Variants in PTCSC3 observed in about 807,000 individuals in gnomAD.
The protein encoded by PTCSC3 is papillary thyroid carcinoma susceptibility candidate 3.
At chr14:36,149,215 T>A (rs1881667665) in intron 3 of PTCSC3, among the ~76,000 whole-genome samples, 1 of 152,220 alleles carries the variant, frequency 6.6e-6, no homozygotes, top group African/African-American at 2.4e-5. Flanking sequence ...ATTTATTTTT[T>A]AATTTTCTTG....
chr14:36,160,925 TTTA>T (rs1473056913), intron 2 of PTCSC3, among the ~76,000 whole-genome samples: 5 of 152,202 alleles, frequency 3.3e-5, no homozygotes, highest in African/African-American at 1.2e-4. Flanking sequence ...TTCATTCCTT[TTTA>T]TTCTTTTTTC....
intron 1 of PTCSC3, among the ~76,000 whole-genome samples, chr14:36,164,710 A>AT (rs1328656808): frequency 6.6e-6 from 1 of 152,192 alleles, no homozygotes; most frequent in Non-Finnish European, 1.5e-5. Flanking sequence ...ACTGACCTCT[A>AT]TGTCCCCATC....
chr14:36,157,216 A>G lies in PTCSC3; in HGVS notation n.232-3322T>C, dbSNP rs150523553. Among the ~76,000 whole-genome samples the G allele has an allele frequency of 1.7e-3, 255 of 152,136 alleles. 1 individual carries two copies. Among genetic ancestry groups the G allele is most frequent in the African/African-American group, 5.9e-3 (245 of 41,530 alleles). On this transcript the variant is annotated intron_variant and non_coding_transcript_variant, in intron 2 of 3. Transcript: ENST00000556013. ...TCGGCTGCATAAATGTCTCCTTTTG[A>G]GGAGTTTTATATCCTTAACCCACTT...
intron 3 of PTCSC3, among the ~76,000 whole-genome samples, chr14:36,148,518 C>T (rs1012870302): frequency 2.6e-5 from 4 of 152,248 alleles, no homozygotes; most frequent in South Asian, 2.1e-4. Flanking sequence ...CGCCCTGCTT[C>T]GGCTAGCGTG....
Position 36,148,337 on chromosome 14 carries a change from C to T in PTCSC3, n.322+5467G>A, listed in dbSNP as rs763443501. ...GAGACTCCATAGGCATAGGACCCTC[C>T]GAGCCAGGTGTGGGATATAATGTCG... On this transcript the variant is annotated intron_variant and non_coding_transcript_variant, in intron 3 of 3. Transcript: ENST00000556013. 1.3e-4 allele frequency among the ~76,000 whole-genome samples: 20 copies of T among 152,280 alleles called. No individual in the cohort carries two copies. The South Asian group carries it at 2.1e-3, about 16-fold the overall frequency.
intron 2 of PTCSC3, among the ~76,000 whole-genome samples, chr14:36,157,930 C>A (rs1169139): frequency 6.6e-6 from 1 of 152,066 alleles, no homozygotes; most frequent in South Asian, 2.1e-4. Context: ...TCTCTGATTT[C>A]CTTGAGCAGT....
chr14:36,160,735 T>A (rs1566509100), intron 2 of PTCSC3, among the ~76,000 whole-genome samples: 1 of 152,128 alleles, frequency 6.6e-6, no homozygotes. Flanking sequence ...ATCTTTGTGG[T>A]GTTCTCTGTA....
chr14:36,149,941 A>C (rs979437769), intron 3 of PTCSC3, among the ~76,000 whole-genome samples: 26 of 152,222 alleles, frequency 1.7e-4, no homozygotes, highest in Non-Finnish European at 3.7e-4. Flanking sequence ...TTATATTTAC[A>C]GGTTGAACAT....
chr14:36,141,633 G>A (rs771662554), intron 3 of PTCSC3, among the ~76,000 whole-genome samples: 12 of 152,098 alleles, frequency 7.9e-5, no homozygotes, highest in Admixed American at 5.2e-4. Flanking sequence ...GATTACAGGC[G>A]TGAGCCACTG....
intron 3 of PTCSC3, among the ~76,000 whole-genome samples, chr14:36,145,327 C>G (rs1240128932): frequency 1.3e-5 from 2 of 151,332 alleles, no homozygotes; most frequent in Admixed American, 1.3e-4. Flanking sequence ...GATTATTGCC[C>G]CAATTTCAGA....
At chr14:36,173,990 T>C (rs1157356973) in intron 1 of PTCSC3, among the ~76,000 whole-genome samples, 3 of 152,182 alleles carry the variant, frequency 2.0e-5, no homozygotes, top group Non-Finnish European at 4.4e-5. Context: ...GTACCTTTTT[T>C]TTCTCTTTGG....
intron 1 of PTCSC3, chr14:36,165,397 T>C (rs1017305312): frequency 6.6e-6 from 1 of 152,184 alleles, no homozygotes; most frequent in Non-Finnish European, 1.5e-5. Flanking sequence ...ATGGCCTCTC[T>C]GGTGATTTAA....
rs1566512573 is a variant in PTCSC3 at position 36,173,030 on chromosome 14, TA to T, written n.171+3267del. On this transcript the variant is annotated intron_variant and non_coding_transcript_variant, in intron 1 of 3. Coordinates refer to ENST00000556013, the Ensembl canonical transcript of PTCSC3. ...CTTTTTCTGCCAGAATAGAAAAAAT[TA>T]TTCTGGAATTACCAGAACAAAGGCA... Among the ~76,000 whole-genome samples, 8 of 152,232 alleles carry T rather than the reference TA, an allele frequency of 5.3e-5. No individual in the cohort carries two copies. The South Asian group carries it at 1.7e-3, about 32-fold the overall frequency.
At chr14:36,169,542 T>C (rs932569720) in intron 1 of PTCSC3, among the ~76,000 whole-genome samples, 1 of 152,170 alleles carries the variant, frequency 6.6e-6, no homozygotes, top group African/African-American at 2.4e-5. Flanking sequence ...TCTCTTTCTC[T>C]AGTTGGTGAT....
At chr14:36,151,020 T>C (rs1008070713) in intron 3 of PTCSC3, among the ~76,000 whole-genome samples, 14 of 152,226 alleles carry the variant, frequency 9.2e-5, no homozygotes, top group African/African-American at 3.4e-4. Context: ...ATATCATTTT[T>C]CTTCTCCCTG....
At chr14:36,158,895 G>T (rs1308962282) in intron 2 of PTCSC3, among the ~76,000 whole-genome samples, 2 of 151,984 alleles carry the variant, frequency 1.3e-5, no homozygotes, top group Non-Finnish European at 2.9e-5. Flanking sequence ...GAATTTTTTT[G>T]GTTGGTAGGC....
intron 2 of PTCSC3, among the ~76,000 whole-genome samples, chr14:36,158,436 G>C (rs545794213): frequency 9.9e-4 from 150 of 152,108 alleles, no homozygotes; most frequent in African/African-American, 3.4e-3. Context: ...CCATCAATAC[G>C]TGGTTCATTG....
intron 1 of PTCSC3, among the ~76,000 whole-genome samples, chr14:36,169,303 G>A (rs773932976): frequency 1.3e-5 from 2 of 151,826 alleles, no homozygotes; most frequent in Admixed American, 6.6e-5. Context: ...TATTTATGTC[G>A]ATTACATAAA....
intron 3 of PTCSC3, among the ~76,000 whole-genome samples, chr14:36,139,434 C>A (rs541988150): frequency 6.6e-6 from 1 of 152,184 alleles, no homozygotes; most frequent in East Asian, 1.9e-4. Context: ...AACTGGGCTC[C>A]AGTTTTAAAA....
Sources: allele counts gnomAD v4.1 joint callset (sites outside exome capture counted in the v4.1 genomes callset), GRCh38; gene constraint gnomAD v4.1.1; transcripts MANE v1.5; gene names NCBI Gene and HGNC (gene_info 2026-07-23, HGNC 2026-07-21).